Variants in CMSS1 observed in about 807,000 individuals in gnomAD.
CMSS1 encodes cms1 ribosomal small subunit homolog.
A neutral mutation model predicts 43.5 loss-of-function variants in CMSS1; 33 were observed. That is an observed-to-expected ratio of 0.76 (90% CI 0.57 to 1.01). The LOEUF (loss-of-function observed/expected upper bound fraction) is 1.01, where lower values mean the gene tolerates loss of function less well. CMSS1 is among the 50% of genes least tolerant of loss of function. The pLI, the probability that CMSS1 is intolerant of heterozygous loss-of-function variation, is 0.00. For synonymous variants in CMSS1, 115 were observed against 117.2 expected (o/e 0.98, Z 0.12); for missense variants, 313 against 326.4 (o/e 0.96, Z 0.32).
intron 1 of CMSS1, among the ~76,000 whole-genome samples, chr3:100,026,593 T>C (rs1314652176): frequency 6.6e-6 from 1 of 152,182 alleles, no homozygotes; most frequent in Non-Finnish European, 1.5e-5. Context: ...TTTCTTCTAC[T>C]TGTTCAAAGC....
chr3:100,156,107 T>C (rs1645883238), intron 2 of CMSS1, among the ~76,000 whole-genome samples: 1 of 151,960 alleles, frequency 6.6e-6, no homozygotes, highest in African/African-American at 2.4e-5. Context: ...AAATTTTATT[T>C]TGTCATGTTT....
At chr3:99,949,783 T>G (rs1028428245) in intron 1 of CMSS1, among the ~76,000 whole-genome samples, 1 of 152,214 alleles carries the variant, frequency 6.6e-6, no homozygotes. Flanking sequence ...TTTGGTCTTC[T>G]AAGTTCTGAG....
chr3:99,907,237 C>T (rs1219112821), intron 1 of CMSS1, among the ~76,000 whole-genome samples: 2 of 151,820 alleles, frequency 1.3e-5, no homozygotes, highest in Non-Finnish European at 2.9e-5. Context: ...CTACCTATTA[C>T]CCTTTTAATT....
chr3:100,072,901 G>A (rs962205832), intron 1 of CMSS1, among the ~76,000 whole-genome samples: 7 of 152,060 alleles, frequency 4.6e-5, no homozygotes, highest in Non-Finnish European at 8.8e-5. Context: ...TGAAAACCTC[G>A]CCAGAAGAGT....
rs1286527134 is a variant in CMSS1, at chr3:99,846,560, A to G, written c.64+28517A>G. Among the ~76,000 whole-genome samples the G allele has an allele frequency of 3.3e-5, 5 of 152,346 alleles. No individual in the cohort carries two copies. The East Asian group carries it at 7.7e-4, about 24-fold the overall frequency. Reference sequence around the variant, plus strand: ...TTGTAATACAGTTGGGTCACTGTTGATTCCTAAGATAAATGTGTTTAAACA... The same window carrying G: ...TTGTAATACAGTTGGGTCACTGTTGGTTCCTAAGATAAATGTGTTTAAACA... On this transcript the variant is annotated intron_variant, in intron 1 of 9. Coordinates refer to ENST00000421999, the MANE Select transcript of CMSS1 (RefSeq NM_032359.4).
intron 3 of CMSS1, among the ~76,000 whole-genome samples, chr3:100,161,700 A>C (rs1279671552): frequency 2.6e-5 from 4 of 152,194 alleles, no homozygotes; most frequent in African/African-American, 9.7e-5. Flanking sequence ...TACATGCTAC[A>C]CAAATGAGTC....
At chr3:100,049,324 C>T (rs538460789) in intron 1 of CMSS1, among the ~76,000 whole-genome samples, 2 of 152,250 alleles carry the variant, frequency 1.3e-5, no homozygotes, top group South Asian at 2.1e-4. Context: ...GCTCTTCTAG[C>T]TTGTTATGAA....
At chr3:100,130,118 T>A (rs888117705) in intron 1 of CMSS1, among the ~76,000 whole-genome samples, 1 of 152,218 alleles carries the variant, frequency 6.6e-6, no homozygotes, top group Non-Finnish European at 1.5e-5. Flanking sequence ...CCCTGAGCCC[T>A]ATAGCCTATT....
intron 1 of CMSS1, among the ~76,000 whole-genome samples, chr3:100,063,348 C>A (rs926344772): frequency 6.6e-6 from 1 of 152,012 alleles, no homozygotes; most frequent in Non-Finnish European, 1.5e-5. Flanking sequence ...CTCAACCAAC[C>A]ATTAAAGGGT....
At chr3:99,918,340 C>A (rs1243646425) in intron 1 of CMSS1, among the ~76,000 whole-genome samples, 1 of 152,154 alleles carries the variant, frequency 6.6e-6, no homozygotes, top group African/African-American at 2.4e-5. Context: ...TTATACATAG[C>A]TGCAGATCAG....
intron 1 of CMSS1, among the ~76,000 whole-genome samples, chr3:100,037,126 T>C (rs1177655408): frequency 1.3e-5 from 2 of 151,474 alleles, no homozygotes; most frequent in African/African-American, 2.5e-5. Context: ...TTGGTAAAAT[T>C]TGAATAAAAT....
intron 6 of CMSS1, among the ~76,000 whole-genome samples, chr3:100,170,830 C>T (rs1191532152): frequency 6.6e-5 from 10 of 152,200 alleles, no homozygotes; most frequent in African/African-American, 2.4e-4. Context: ...ACTAAATGGA[C>T]TGCCTGTCCT....
intron 1 of CMSS1, among the ~76,000 whole-genome samples, chr3:100,050,112 T>C (rs2065344899): frequency 6.6e-6 from 1 of 152,198 alleles, no homozygotes; most frequent in South Asian, 2.1e-4. Context: ...ATGAATCTAT[T>C]AAGGGCATCA....
chr3:99,822,789 A>C (rs1942463658), intron 1 of CMSS1, among the ~76,000 whole-genome samples: 1 of 152,204 alleles, frequency 6.6e-6, no homozygotes. Flanking sequence ...TTTGTTGAGC[A>C]CTTAACTACC....
intron 1 of CMSS1, among the ~76,000 whole-genome samples, chr3:99,967,938 G>A (rs949349679): frequency 6.6e-6 from 1 of 152,204 alleles, no homozygotes; most frequent in Non-Finnish European, 1.5e-5. Flanking sequence ...GTATGTGGGA[G>A]TGTCAGAAAA....
intron 1 of CMSS1, among the ~76,000 whole-genome samples, chr3:100,093,859 A>C (rs1421919121): frequency 2.0e-5 from 3 of 152,216 alleles, no homozygotes; most frequent in Admixed American, 1.3e-4. Flanking sequence ...TTTTCTGAAG[A>C]GTTATCTAGG....
intron 1 of CMSS1, among the ~76,000 whole-genome samples, chr3:99,851,828 T>C (rs1202270428): frequency 6.6e-6 from 1 of 152,216 alleles, no homozygotes; most frequent in East Asian, 1.9e-4. Flanking sequence ...TAGGAACTAC[T>C]TCACATATAT....
intron 1 of CMSS1, chr3:100,040,900 T>G (rs1001480442): frequency 1.3e-5 from 2 of 152,216 alleles, no homozygotes; most frequent in African/African-American, 4.8e-5. Context: ...AAAAAATGGT[T>G]TCTTTGCCTT....
chr3:99,873,009 C>G (rs1320293570), intron 1 of CMSS1, among the ~76,000 whole-genome samples: 1 of 151,820 alleles, frequency 6.6e-6, no homozygotes, highest in African/African-American at 2.4e-5. Flanking sequence ...CAAAATGACT[C>G]AAAACATGAA....
Sources: gnomAD v4.1 joint callset for allele counts (sites outside exome capture counted in the v4.1 genomes callset) on GRCh38, gnomAD v4.1.1 for gene constraint, MANE v1.5 for transcripts, NCBI Gene and HGNC (gene_info 2026-07-23, HGNC 2026-07-21) for gene names.